The following CDS1 variants were observed in gnomAD, a reference collection of about 807,000 sequenced individuals.
CDS1 encodes phosphatidate cytidylyltransferase 1.
CDS1 carries 41 observed loss-of-function variants against 62.1 expected under a neutral mutation model. The ratio of observed to expected loss-of-function variants is 0.66; its 90% CI spans 0.51 to 0.86. CDS1 has a LOEUF of 0.86. Among genes scored for constraint, CDS1 ranks in the 40% least tolerant of loss-of-function variants. The pLI, the probability that CDS1 is intolerant of heterozygous loss-of-function variation, is 0.00. For missense variants in CDS1, 470 were observed against 550.1 expected (o/e 0.85, Z 1.46); for synonymous variants, 185 against 192.6 (o/e 0.96, Z 0.32).
chr4:84,618,838 A>G (rs1723578454), intron 4 of CDS1, among the ~76,000 whole-genome samples: 1 of 152,136 alleles, frequency 6.6e-6, no homozygotes, highest in Non-Finnish European at 1.5e-5. Context: ...TTTCCCTCCT[A>G]ATCTTCCTGA....
chr4:84,608,396 G>A (rs560199818), intron 2 of CDS1, among the ~76,000 whole-genome samples: 4 of 152,064 alleles, frequency 2.6e-5, no homozygotes, highest in Admixed American at 1.3e-4. Flanking sequence ...GGATGGTCTC[G>A]ATCTCCTGAC....
chr4:84,625,556 C>A (rs117749421), intron 5 of CDS1, among the ~76,000 whole-genome samples: 2 of 151,922 alleles, frequency 1.3e-5, no homozygotes, highest in East Asian at 1.9e-4. Flanking sequence ...CCATTCCAGG[C>A]GGAGGAACAG....
At chr4:84,585,664 A>G (rs116828002) in intron 1 of CDS1, among the ~76,000 whole-genome samples, 1 of 152,192 alleles carries the variant, frequency 6.6e-6, no homozygotes, top group South Asian at 2.1e-4. Context: ...ATGCATTGCC[A>G]TTTTGTAGTC....
intron 5 of CDS1, among the ~76,000 whole-genome samples, chr4:84,631,200 A>G (rs1302926236): frequency 1.3e-5 from 2 of 152,184 alleles, no homozygotes; most frequent in African/African-American, 2.4e-5. Context: ...TTAAGGGTCA[A>G]TAGGATTTTA....
At chr4:84,590,033 A>G (rs542095509) in intron 1 of CDS1, among the ~76,000 whole-genome samples, 79 of 152,122 alleles carry the variant, frequency 5.2e-4, no homozygotes, top group South Asian at 4.4e-3. Context: ...GGACGATCTC[A>G]ATCTCCTGAC....
chr4:84,643,057 A>T lies in CDS1; in HGVS notation c.1066A>T (p.Ser356Cys). 1 of 1,610,470 alleles carries T rather than the reference A, an allele frequency of 6.2e-7. No individual in the cohort carries two copies. Reference protein sequence around the residue: ...RVSLYPFQIHSIALSTFASLI... With the variant: ...RVSLYPFQIHCIALSTFASLI... ...GAGCTTGTACCCTTTCCAGATCCAC[A>T]GCATTGCACTGTCAACCTTTGCATC... is the stretch of plus-strand genomic sequence containing the variant. Residue 356 changes from serine (S) to cysteine (C), a missense_variant, in exon 11 of 13, where the codon AGC (serine) becomes TGC (cysteine). By Grantham distance (112) the Ser-to-Cys change is moderately radical. Coordinates refer to ENST00000295887, the MANE Select transcript of CDS1 (RefSeq NM_001263.4).
chr4:84,644,477 C>T (rs11939300), intron 11 of CDS1, among the ~76,000 whole-genome samples: 3,261 of 152,272 alleles, frequency 0.021, 120 homozygotes, highest in African/African-American at 0.075. Flanking sequence ...TTAATGGTCT[C>T]CAATCCAAGA....
chr4:84,609,562 T>G, intron 3 of CDS1, 37 bp downstream of exon 3: 1 of 1,159,048 alleles, frequency 8.6e-7, no homozygotes, highest in Non-Finnish European at 1.3e-6. Context: ...TCTCTTGCTT[T>G]GTTTTTCAAC....
At chr4:84,595,029 C>A (rs1456972242) in intron 1 of CDS1, among the ~76,000 whole-genome samples, 1 of 152,140 alleles carries the variant, frequency 6.6e-6, no homozygotes, top group Admixed American at 6.5e-5. Flanking sequence ...CAAAGCACAT[C>A]ATCCAAGAGG....
intron 1 of CDS1, among the ~76,000 whole-genome samples, chr4:84,596,897 A>T (rs1722768009): frequency 6.6e-6 from 1 of 151,850 alleles, no homozygotes; most frequent in Non-Finnish European, 1.5e-5. Flanking sequence ...AGAGGCTAAG[A>T]CTCTTCACAC....
At chr4:84,619,593 A>T in intron 5 of CDS1, 60 bp downstream of exon 5, 1 of 1,009,658 alleles carries the variant, frequency 9.9e-7, no homozygotes. Flanking sequence ...GTTTATTTTT[A>T]TTTCTGTTAT....
chr4:84,601,828 G>T (rs913248662), intron 1 of CDS1, among the ~76,000 whole-genome samples: 1 of 152,020 alleles, frequency 6.6e-6, no homozygotes, highest in South Asian at 2.1e-4. Context: ...CAGGAGAATC[G>T]CTGGAACCTG....
chr4:84,610,809 A>G (rs1426116823), intron 3 of CDS1, among the ~76,000 whole-genome samples: 1 of 152,202 alleles, frequency 6.6e-6, no homozygotes, highest in Non-Finnish European at 1.5e-5. Flanking sequence ...CCTAGGACCA[A>G]TAGGCTATAC....
chr4:84,634,900 A>G (rs369689259), intron 7 of CDS1, among the ~76,000 whole-genome samples: 12 of 152,274 alleles, frequency 7.9e-5, no homozygotes, highest in Middle Eastern at 3.4e-3. Flanking sequence ...GAAATGACTC[A>G]TTTTCATATT....
At chr4:84,583,557 TG>T (rs1415732227) in intron 1 of CDS1, 39 bp downstream of exon 1, 2 of 1,301,336 alleles carry the variant, frequency 1.5e-6, no homozygotes, top group African/African-American at 1.6e-5. Context: ...GCGCCCTGGC[TG>T]GGTCCTGGTT....
intron 5 of CDS1, among the ~76,000 whole-genome samples, chr4:84,623,330 G>A (rs1723748543): frequency 6.6e-6 from 1 of 152,186 alleles, no homozygotes; most frequent in Non-Finnish European, 1.5e-5. Context: ...GATATCTTTA[G>A]TCTATTCTTA....
chr4:84,648,048 TA>T (rs1458922241), intron 12 of CDS1, among the ~76,000 whole-genome samples: 1 of 152,204 alleles, frequency 6.6e-6, no homozygotes, highest in Non-Finnish European at 1.5e-5. Context: ...GCTTCAGTGC[TA>T]GGCTCAGGAC....
intron 2 of CDS1, among the ~76,000 whole-genome samples, chr4:84,605,687 G>C (rs1723073437): frequency 6.6e-6 from 1 of 152,100 alleles, no homozygotes; most frequent in African/African-American, 2.4e-5. Flanking sequence ...AATGATGCCA[G>C]ATTTGTGTGT....
chr4:84,633,050 G>A (rs1357664351), intron 6 of CDS1, among the ~76,000 whole-genome samples: 1 of 152,180 alleles, frequency 6.6e-6, no homozygotes, highest in Non-Finnish European at 1.5e-5. Context: ...CTTGAACCTG[G>A]GAGGTCAAGG....
Sources: allele counts gnomAD v4.1 joint callset (sites outside exome capture counted in the v4.1 genomes callset), GRCh38; gene constraint gnomAD v4.1.1; transcripts MANE v1.5; gene names NCBI Gene and HGNC (gene_info 2026-07-23, HGNC 2026-07-21).